The following NAV1 variants were observed in gnomAD, a reference collection of about 807,000 sequenced individuals.
NAV1 encodes pore membrane and/or filament interacting like protein 3.
Under a neutral mutation model 175.2 loss-of-function variants are expected in NAV1, and 18 were observed. The observed-to-expected ratio is 0.10, with a 90% CI of 0.07 to 0.15. The LOEUF (loss-of-function observed/expected upper bound fraction) is 0.15, where lower values mean the gene tolerates loss of function less well. Among genes scored for constraint, NAV1 ranks in the 10% least tolerant of loss-of-function variants. The pLI is 1.00. For synonymous variants in NAV1, 897 were observed against 978.7 expected, an observed-to-expected ratio of 0.92 and a Z score of 1.56; for missense variants, 1,731 against 2,436.6, an observed-to-expected ratio of 0.71 and a Z score of 6.10.
At chr1:201,786,057 T>C (rs1388470583) in intron 8 of NAV1, among the ~76,000 whole-genome samples, 5 of 152,084 alleles carry the variant, frequency 3.3e-5, no homozygotes, top group Admixed American at 3.3e-4. Context: ...CCTCCCAAAG[T>C]GCTGGGATTA....
Position 201,739,795 on chromosome 1 carries a change from A to G in NAV1, c.1226+21040A>G, listed in dbSNP as rs1023622315. The G allele has an allele frequency of 4.2e-5, 52 of 1,224,190 alleles. No individual in the cohort carries two copies. The African/African-American group carries it at 8.1e-4, about 19-fold the overall frequency. 75.8% of individuals were successfully genotyped at this position (1,224,190 alleles called of 1,614,324 possible). On this transcript the variant is annotated intron_variant, in intron 3 of 29. Coordinates refer to ENST00000367296, the Ensembl canonical transcript of NAV1. Reference sequence around the variant, plus strand: ...CTGCATCGCCGGGGCTCGGGACAGAAGTCAGCGGCGGGGAAATGGGGCTCT... The same window carrying G: ...CTGCATCGCCGGGGCTCGGGACAGAGGTCAGCGGCGGGGAAATGGGGCTCT...
At chr1:201,795,748 CTTTTTTTT>C (rs199673779) in intron 15 of NAV1, 1 of 139,086 alleles carries the variant, frequency 7.2e-6, no homozygotes, top group Admixed American at 7.3e-5. Context: ...ACTTATTTTC[CTTTTTTTT>C]TTTTTTTTTG....
intron 3 of NAV1, among the ~76,000 whole-genome samples, chr1:201,732,203 G>T (rs550447777): frequency 6.6e-6 from 1 of 152,126 alleles, no homozygotes; most frequent in African/African-American, 2.4e-5. Flanking sequence ...TTGACTTCTT[G>T]GGCCCAAGCA....
chr1:201,685,834 G>T (rs510576), intron 1 of NAV1, among the ~76,000 whole-genome samples: 129,655 of 152,176 alleles, frequency 0.85, 55,297 homozygotes, highest in East Asian at 0.93. Flanking sequence ...TCGTATCCAC[G>T]CTGAACCCCG....
At chr1:201,614,600 C>T (rs904355265) in intron 2 of NAV1, among the ~76,000 whole-genome samples, 3 of 152,342 alleles carry the variant, frequency 2.0e-5, no homozygotes, top group African/African-American at 7.2e-5. Context: ...AAAACACTTC[C>T]TTGCTCTGGG....
At chr1:201,593,964 C>G (rs151015351) in intron 2 of NAV1, among the ~76,000 whole-genome samples, 4 of 152,124 alleles carry the variant, frequency 2.6e-5, no homozygotes, top group Non-Finnish European at 5.9e-5. Context: ...GGTAGTGGGA[C>G]CACCATCAGT....
intron 2 of NAV1, among the ~76,000 whole-genome samples, chr1:201,617,436 G>T (rs557730401): frequency 6.6e-6 from 1 of 152,116 alleles, no homozygotes; most frequent in Non-Finnish European, 1.5e-5. Flanking sequence ...TGTTTAAGAC[G>T]CATAAGCTGG....
At chr1:201,809,417 A>G in intron 21 of NAV1, 25 bp from the exon 26 acceptor site, 1 of 1,612,524 alleles carries the variant, frequency 6.2e-7, no homozygotes, top group South Asian at 1.1e-5. Context: ...GAAGCTCAAG[A>G]GCTTTTCCTT....
At chr1:201,817,366 A>T (rs1002943206) in intron 29 of NAV1, 81 bp downstream of exon 33, 28 of 1,327,746 alleles carry the variant, frequency 2.1e-5, no homozygotes, top group Non-Finnish European at 2.6e-5. Context: ...CACACCTGTA[A>T]TCCCAGCACT....
intron 2 of NAV1, among the ~76,000 whole-genome samples, chr1:201,631,770 A>C (rs1021308846): frequency 4.6e-5 from 7 of 152,238 alleles, no homozygotes; most frequent in African/African-American, 1.7e-4. Flanking sequence ...CACAGAATCC[A>C]GCATAGTTAT....
rs1437590027 is a variant in NAV1 at position 201,588,214 on chromosome 1, A to G, written c.-143-325A>G. On this transcript the variant is annotated intron_variant, in intron 1 of 33. Coordinates refer to the NAV1 transcript ENST00000685211. ...AAAATGTGATATATCATACAGTGGA[A>G]TCTTATTCGGCTGTAAAAAGGAATG... Among the ~76,000 whole-genome samples, 8 of 152,360 alleles carry G rather than the reference A, an allele frequency of 5.3e-5. No homozygotes were observed. In the East Asian group the frequency reaches 1.5e-3, roughly 29 times the overall value.
rs549693562 is a variant in NAV1, at chr1:201,705,636, C to T, written c.758-7181C>T. Among the ~76,000 whole-genome samples, 14 of 152,154 alleles carry T rather than the reference C, an allele frequency of 9.2e-5. 1 individual carries two copies. In the South Asian group the frequency reaches 2.7e-3, roughly 29 times the overall value. On this transcript the variant is annotated intron_variant, in intron 1 of 29. Coordinates refer to ENST00000367296, the Ensembl canonical transcript of NAV1. Reference sequence around the variant, plus strand: ...CAATATTGTGACTTAAGTGGGGGAACGAGGGAAAGATAGGATTAGTAAGAG... The same window carrying T: ...CAATATTGTGACTTAAGTGGGGGAATGAGGGAAAGATAGGATTAGTAAGAG...
rs1354730955 is a variant in NAV1 at position 201,583,112 on chromosome 1, G to A, written c.-143-5427G>A. Among the ~76,000 whole-genome samples the A allele has an allele frequency of 3.9e-5, 6 of 152,244 alleles. No individual in the cohort carries two copies. In the South Asian group the frequency reaches 1.0e-3, roughly 26 times the overall value. ...CTGACTGTCCAGGTGTCTGAGTGGGGCCAACCATGGCGGCTCTACACCCTC... is the reference window on the plus strand; with the variant it reads ...CTGACTGTCCAGGTGTCTGAGTGGGACCAACCATGGCGGCTCTACACCCTC... On this transcript the variant is annotated intron_variant, in intron 1 of 33. Transcript: ENST00000685211.
intron 2 of NAV1, among the ~76,000 whole-genome samples, chr1:201,638,006 G>C (rs1162692522): frequency 6.6e-6 from 1 of 152,214 alleles, no homozygotes; most frequent in Non-Finnish European, 1.5e-5. Flanking sequence ...ACAGGGATCT[G>C]ATTTTAAATG....
intron 3 of NAV1, among the ~76,000 whole-genome samples, chr1:201,763,477 G>A (rs933611291): frequency 1.4e-4 from 21 of 152,174 alleles, no homozygotes; most frequent in African/African-American, 2.9e-4. Context: ...AAGGTGCCTT[G>A]TTTTTTCATT....
chr1:201,620,292 G>A (rs1668123441), upstream of NAV1, among the ~76,000 whole-genome samples: 1 of 152,080 alleles, frequency 6.6e-6, no homozygotes. Flanking sequence ...TGTCCATAAT[G>A]TCCTTTGTCT....
intron 15 of NAV1, chr1:201,798,649 A>G (rs1677616060): frequency 6.9e-6 from 1 of 144,740 alleles, no homozygotes; most frequent in Admixed American, 6.9e-5. Context: ...CAATTTGAAT[A>G]TGGACTAGAT....
At chr1:201,713,059 A>T (rs1671979883) in intron 2 of NAV1, 140 bp downstream of exon 6, 1 of 623,916 alleles carries the variant, frequency 1.6e-6, no homozygotes, top group Non-Finnish European at 2.9e-6. Context: ...CTGCAGAAGG[A>T]GGAGGAAATC....
chr1:201,752,610 CTT>C (rs764392937), intron 3 of NAV1, among the ~76,000 whole-genome samples: 9 of 143,082 alleles, frequency 6.3e-5, no homozygotes, highest in Non-Finnish European at 3.1e-5. Flanking sequence ...ACAGCTTTGC[CTT>C]TTTTTTTTTT....
Sources: gnomAD v4.1 joint callset for allele counts (sites outside exome capture counted in the v4.1 genomes callset) on GRCh38, gnomAD v4.1.1 for gene constraint, MANE v1.5 for transcripts, NCBI Gene and HGNC (gene_info 2026-07-23, HGNC 2026-07-21) for gene names.